Variants in RGS20 observed in about 807,000 individuals in gnomAD.
The protein encoded by RGS20 is gz-selective GTPase-activating protein.
Under a neutral mutation model 33.6 loss-of-function variants are expected in RGS20, and 30 were observed. The observed-to-expected ratio is 0.89, with a 90% CI of 0.67 to 1.21. The LOEUF (loss-of-function observed/expected upper bound fraction) is 1.21. Ranked by LOEUF, RGS20 falls within the 50% of genes most tolerant of loss-of-function variation. RGS20 has a pLI of 0.00. For missense variants in RGS20, 472 were observed against 502.4 expected, an observed-to-expected ratio of 0.94 and a Z score of 0.58; for synonymous variants, 208 against 197.9, an observed-to-expected ratio of 1.05 and a Z score of -0.43.
intron 1 of RGS20, among the ~76,000 whole-genome samples, chr8:53,867,698 CCTTCCTTT>C (rs1423268142): frequency 6.7e-6 from 1 of 150,162 alleles, no homozygotes; most frequent in Non-Finnish European, 1.5e-5. Flanking sequence ...TTCCTTCCTT[CCTTCCTTT>C]CTTTGTTTCT....
At chr8:53,867,026 G>C (rs1354931470) in intron 1 of RGS20, among the ~76,000 whole-genome samples, 4 of 152,168 alleles carry the variant, frequency 2.6e-5, no homozygotes, top group Admixed American at 6.5e-5. Flanking sequence ...GACCATCTTC[G>C]GCACAGATGA....
In RGS20 at chr8:53,943,037, A is replaced by G. The variant is rs890422786; in HGVS notation, c.659+3313A>G. On this transcript the variant is annotated intron_variant, in intron 3 of 5. Coordinates refer to ENST00000297313, the MANE Select transcript of RGS20 (RefSeq NM_170587.4). ...ATATGCTAGAGGGAAAAAAAATTAT[A>G]AAGCAATACATGTTACATAATTACA... Among the ~76,000 whole-genome samples, 6 of 152,162 alleles carry G rather than the reference A, an allele frequency of 3.9e-5. No homozygotes were observed. In the East Asian group the frequency reaches 9.6e-4, roughly 24 times the overall value.
In RGS20 at chr8:53,879,505, C is replaced by A. The variant is rs1189121616; in HGVS notation, c.413C>A (p.Pro138His). 3 of 1,550,042 alleles carry A rather than the reference C, an allele frequency of 1.9e-6. No individual in the cohort carries two copies. ...CTGCTCGGGGCGGCGCTGGCACTGC[C>A]CGGCCGACCCTCGGGGGGTCGTCCG... The change falls in exon 2 of 6, where the codon CCC becomes CAC. Residue 138 changes from proline (P) to histidine (H), a missense_variant. By Grantham distance (77) the Pro-to-His change is moderately conservative. Coordinates refer to ENST00000297313, the MANE Select transcript of RGS20 (RefSeq NM_170587.4).
At chr8:53,918,411 G>A (rs761574707) in intron 2 of RGS20, among the ~76,000 whole-genome samples, 2 of 127,954 alleles carry the variant, frequency 1.6e-5, no homozygotes, top group Admixed American at 7.2e-5. Flanking sequence ...TTTTTGAGAC[G>A]GAGCTTTGCT....
chr8:53,911,032 C>A (rs183033816), intron 2 of RGS20, among the ~76,000 whole-genome samples: 28 of 152,258 alleles, frequency 1.8e-4, no homozygotes, highest in Non-Finnish European at 4.4e-5. Flanking sequence ...GATAAAAAAT[C>A]TGAGCTGCAA....
rs1563445880 is a variant in RGS20, at chr8:53,958,728, T to A, written c.*270T>A. 5.7e-6 allele frequency: 1 copy of A among 176,164 alleles called. No individual in the cohort carries two copies. Among genetic ancestry groups the A allele is most frequent in the Non-Finnish European group, 1.2e-5 (1 of 85,000 alleles). The allele number at this position is 176,164 out of a possible 1,614,324, so 10.9% of individuals were successfully genotyped here. A position where few individuals can be genotyped will look rare whatever the true frequency, so the allele number is the denominator to read the frequency against. On this transcript the variant is annotated 3_prime_UTR_variant, in exon 6 of 6. Coordinates refer to ENST00000297313, the MANE Select transcript of RGS20 (RefSeq NM_170587.4). ...TACAATAACAGTAGCATGTTGTCAG[T>A]GGCCAAGGCTACACAGAAGGCTCCC...
intron 4 of RGS20, among the ~76,000 whole-genome samples, chr8:53,950,921 A>C (rs893654365): frequency 6.6e-6 from 1 of 152,136 alleles, no homozygotes; most frequent in Non-Finnish European, 1.5e-5. Flanking sequence ...CCACTAATCT[A>C]TACTTCTTCC....
intron 1 of RGS20, chr8:53,852,115 T>C (rs1208776767): frequency 2.0e-6 from 3 of 1,500,886 alleles, no homozygotes; most frequent in Non-Finnish European, 2.7e-6. Context: ...GGAAAGTGTT[T>C]ACCCAGAAAG....
chr8:53,918,254 C>A (rs1265274616), intron 2 of RGS20, among the ~76,000 whole-genome samples: 1 of 152,184 alleles, frequency 6.6e-6, no homozygotes, highest in Non-Finnish European at 1.5e-5. Context: ...TTACCCCATC[C>A]CCTGGCAACC....
chr8:53,926,912 C>CA (rs1343532774), intron 2 of RGS20, among the ~76,000 whole-genome samples: 1 of 149,664 alleles, frequency 6.7e-6, no homozygotes, highest in Non-Finnish European at 1.5e-5. Flanking sequence ...GACTCCATCT[C>CA]AAAAAAAGAA....
intron 2 of RGS20, among the ~76,000 whole-genome samples, chr8:53,885,527 T>C (rs1413870534): frequency 2.6e-5 from 4 of 151,824 alleles, no homozygotes; most frequent in South Asian, 2.1e-4. Flanking sequence ...AGCAGGAGAA[T>C]GGCATGAACC....
chr8:53,935,902 C>G (rs1205948920), intron 2 of RGS20, among the ~76,000 whole-genome samples: 1 of 152,132 alleles, frequency 6.6e-6, no homozygotes, highest in Non-Finnish European at 1.5e-5. Context: ...TATCCACCAC[C>G]ATCAAGTCGG....
chr8:53,859,156 C>G (rs1811751600), intron 1 of RGS20, among the ~76,000 whole-genome samples: 1 of 151,890 alleles, frequency 6.6e-6, no homozygotes, highest in South Asian at 2.1e-4. Context: ...TTTAAGAATC[C>G]CAAAGACTAG....
At chr8:53,943,809 T>C (rs1246020047) in intron 3 of RGS20, among the ~76,000 whole-genome samples, 5 of 152,168 alleles carry the variant, frequency 3.3e-5, no homozygotes, top group African/African-American at 4.8e-5. Flanking sequence ...GTGTTTTGCT[T>C]ACAAAAGAAG....
chr8:53,879,223 C>A lies in RGS20; in HGVS notation c.166-35C>A, dbSNP rs758496461. 4.5e-6 allele frequency: 7 copies of A among 1,569,874 alleles called. No homozygotes were observed. The African/African-American group carries it at 6.8e-5, about 15-fold the overall frequency. The stretch of plus-strand genomic sequence containing the variant: ...CTAAGCGGCCGGACACCACAGTAAC[C>A]GTATGCTGGTTTTGTTTCTCTCTCC... On this transcript the variant is annotated intron_variant, in intron 1 of 5. Transcript: ENST00000297313.
At chr8:53,870,692 G>T (rs1438735284) in intron 1 of RGS20, among the ~76,000 whole-genome samples, 1 of 152,018 alleles carries the variant, frequency 6.6e-6, no homozygotes, top group African/African-American at 2.4e-5. Flanking sequence ...GCTAAGCTTG[G>T]CTGTGTCGGT....
intron 1 of RGS20, among the ~76,000 whole-genome samples, chr8:53,873,429 A>G (rs1187950390): frequency 6.6e-6 from 1 of 151,984 alleles, no homozygotes; most frequent in Non-Finnish European, 1.5e-5. Flanking sequence ...CCTCTATTCT[A>G]TTTTCTGTCT....
chr8:53,851,814 C>T lies in RGS20; in HGVS notation c.-86C>T. 7.0e-7 allele frequency: 1 copy of T among 1,428,754 alleles called. No individual in the cohort carries two copies. The highest frequency in any genetic ancestry group is 9.5e-7 in the Non-Finnish European group (1 of 1,050,094). The allele number at this position is 1,428,754 out of a possible 1,614,324, so 88.5% of individuals were successfully genotyped here. A position where few individuals can be genotyped will look rare whatever the true frequency, so the allele number is the denominator to read the frequency against. On this transcript the variant is annotated 5_prime_UTR_variant, in exon 1 of 6. Coordinates refer to ENST00000297313, the MANE Select transcript of RGS20 (RefSeq NM_170587.4). ...AGATTCAGAGCCAGCCCAGCATTAA[C>T]CAAACAAAGAGAAGCAGAGTGGATC...
chr8:53,856,047 T>C (rs1811662440), intron 1 of RGS20, among the ~76,000 whole-genome samples: 1 of 152,168 alleles, frequency 6.6e-6, no homozygotes, highest in South Asian at 2.1e-4. Context: ...AAGTGGACTG[T>C]AGTTTCCTGG....
Sources: allele counts gnomAD v4.1 joint callset (sites outside exome capture counted in the v4.1 genomes callset), GRCh38; gene constraint gnomAD v4.1.1; transcripts MANE v1.5; gene names NCBI Gene and HGNC (gene_info 2026-07-23, HGNC 2026-07-21).